The following THEMIS2 variants were observed in gnomAD, a reference collection of about 807,000 sequenced individuals.
THEMIS2 encodes the protein thymocyte selection associated family member 2.
THEMIS2 carries 29 observed loss-of-function variants against 46.8 expected under a neutral mutation model. The ratio of observed to expected loss-of-function variants is 0.62; its 90% confidence interval spans 0.46 to 0.84. The LOEUF (loss-of-function observed/expected upper bound fraction) is 0.84. Ranked by LOEUF, THEMIS2 falls within the 40% of genes least tolerant of loss-of-function variation. THEMIS2 has a pLI of 0.00. For missense variants in THEMIS2, 698 were observed against 834.7 expected, an observed-to-expected ratio of 0.84 and a Z score of 2.02; for synonymous variants, 335 against 349.1, an observed-to-expected ratio of 0.96 and a Z score of 0.45.
chr1:27,874,774 T>C (rs1290755837), intron 1 of THEMIS2, among the ~76,000 whole-genome samples: 1 of 152,010 alleles, frequency 6.6e-6, no homozygotes, highest in Non-Finnish European at 1.5e-5. Context: ...AGTGAGACTC[T>C]GTCTCGAAAA....
intron 4 of THEMIS2, chr1:27,883,263 A>T: frequency 1.7e-6 from 1 of 577,866 alleles, no homozygotes; most frequent in East Asian, 2.9e-5. Flanking sequence ...TGGAGACCCT[A>T]AGACTTGCCC....
At chr1:27,880,134 C>T in intron 3 of THEMIS2, 80 bp downstream of exon 3, 2 of 1,424,598 alleles carry the variant, frequency 1.4e-6, no homozygotes, top group Non-Finnish European at 9.4e-7. Context: ...TGATGGAAGA[C>T]ACCCCCACCC....
At chr1:27,879,055 A>C (rs1159701505) in intron 2 of THEMIS2, among the ~76,000 whole-genome samples, 1 of 152,082 alleles carries the variant, frequency 6.6e-6, no homozygotes, top group Non-Finnish European at 1.5e-5. Context: ...CTTGCTTCCC[A>C]AAAGCGGTAT....
chr1:27,882,218 C>A lies in THEMIS2; in HGVS notation c.894C>A (p.Pro298=), dbSNP rs1467331623. 6.2e-7 allele frequency: 1 copy of A among 1,609,090 alleles called. No individual in the cohort carries two copies. Among genetic ancestry groups the A allele is most frequent in the Admixed American group, 1.7e-5 (1 of 59,636 alleles). The change falls in exon 4 of 6, where the codon CCC becomes CCA. Residue 298 remains proline (P), a synonymous_variant. Coordinates refer to ENST00000373921, the MANE Select transcript of THEMIS2 (RefSeq NM_001105556.3). The surrounding 1 kb of genome is among the most constrained non-coding windows in gnomAD (Gnocchi z 7.6). ...RLCVYGLASP[P]WRVLASSKGR... ...GCGTCTATGGCCTAGCCTCACCACCCTGGCGGGTCCTGGCCTCAAGCAAGG... is the reference window on the plus strand; with the variant it reads ...GCGTCTATGGCCTAGCCTCACCACCATGGCGGGTCCTGGCCTCAAGCAAGG...
At chr1:27,873,487 T>A (rs1464723224) in intron 1 of THEMIS2, among the ~76,000 whole-genome samples, 1 of 151,950 alleles carries the variant, frequency 6.6e-6, no homozygotes, top group Non-Finnish European at 1.5e-5. Flanking sequence ...GAGAGCGAAC[T>A]GAGGCTTGAA....
Position 27,886,675 on chromosome 1 carries a change from A to C in THEMIS2, c.*753A>C, listed in dbSNP as rs1234468241. ...ATAAAAATGACACCTGAGCTTCTCT[A>C]TGAATGAGAACGGTATCATTTATTA... On this transcript the variant is annotated 3_prime_UTR_variant, in exon 6 of 6. Coordinates refer to ENST00000373921, the MANE Select transcript of THEMIS2 (RefSeq NM_001105556.3). 6.6e-6 allele frequency: 1 copy of C among 152,238 alleles called. No homozygotes were observed. Among genetic ancestry groups the C allele is most frequent in the East Asian group, 1.9e-4 (1 of 5,204 alleles). 9.4% of individuals were successfully genotyped at this position (152,238 alleles called of 1,614,324 possible).
intron 1 of THEMIS2, among the ~76,000 whole-genome samples, chr1:27,875,864 C>A (rs888245691): frequency 1.3e-5 from 2 of 151,976 alleles, no homozygotes; most frequent in Non-Finnish European, 2.9e-5. Flanking sequence ...CCATGCCTGG[C>A]TAATTTTTTT....
At chr1:27,878,156 C>T (rs1270687665) in intron 2 of THEMIS2, among the ~76,000 whole-genome samples, 4 of 149,120 alleles carry the variant, frequency 2.7e-5, no homozygotes, top group Non-Finnish European at 5.9e-5. Context: ...GGAGGGGGCA[C>T]CTGGTACAAA....
intron 4 of THEMIS2, 41 bp from the exon 5 acceptor site, chr1:27,885,254 A>G (rs2089749045): frequency 3.1e-6 from 5 of 1,606,732 alleles, no homozygotes; most frequent in African/African-American, 1.3e-5. Flanking sequence ...CTGCTTCCCC[A>G]TTTCTTGAGA....
At chr1:27,875,934 T>C (rs981344523) in intron 1 of THEMIS2, among the ~76,000 whole-genome samples, 6 of 151,972 alleles carry the variant, frequency 3.9e-5, no homozygotes, top group East Asian at 3.9e-4. Flanking sequence ...GATCTCCTGA[T>C]CTCGTGATCC....
intron 3 of THEMIS2, 40 bp from the exon 4 acceptor site, chr1:27,881,931 G>A: frequency 6.5e-7 from 1 of 1,526,814 alleles, no homozygotes; most frequent in Non-Finnish European, 8.9e-7. Context: ...GGCCACTCCT[G>A]GGGTGGCATG....
At chr1:27,876,562 G>A in intron 1 of THEMIS2, 26 bp from the exon 2 acceptor site, 1 of 1,609,540 alleles carries the variant, frequency 6.2e-7, no homozygotes, top group Non-Finnish European at 8.5e-7. Flanking sequence ...TTGTCCAATG[G>A]GGAAATGGAG....
chr1:27,885,727 C>A, intron 5 of THEMIS2, 140 bp from the exon 6 acceptor site: 4 of 852,070 alleles, frequency 4.7e-6, no homozygotes, highest in Admixed American at 4.9e-5. Flanking sequence ...TGAGACAGAA[C>A]AAATCGTGGT....
In THEMIS2 at chr1:27,882,779, C is replaced by T; in HGVS notation, c.1455C>T (p.Phe485=). Reference sequence around the variant, plus strand: ...TGGAGGAGAAGATCACAGAGCCATTCTTGGTGGTGAGCCTAGACTCTGAGC... The same window carrying T: ...TGGAGGAGAAGATCACAGAGCCATTTTTGGTGGTGAGCCTAGACTCTGAGC... ...LRLEEKITEP[F]LVVSLDSEPG... is the part of the protein sequence containing the mutation. Residue 485 remains phenylalanine, a synonymous_variant, in exon 4 of 6, where the codon TTC becomes TTT. Transcript: ENST00000373921. This position sits in a 1 kb window ranked among gnomAD's most constrained non-coding sequence, Gnocchi z 7.6. 6.2e-7 allele frequency: 1 copy of T among 1,613,996 alleles called. No individual in the cohort carries two copies. Among genetic ancestry groups the T allele is most frequent in the Non-Finnish European group, 8.5e-7 (1 of 1,179,950 alleles).
Position 27,877,529 on chromosome 1 carries a change from G to A in THEMIS2, c.235+801G>A, listed in dbSNP as rs551310565. Among the ~76,000 whole-genome samples, 71 of 152,038 alleles carry A rather than the reference G, an allele frequency of 4.7e-4. No homozygotes were observed. In the South Asian group the frequency reaches 4.8e-3, roughly 10 times the overall value. The stretch of plus-strand genomic sequence containing the variant: ...TTTTTAGTAGAGACAAAGTTTCACC[G>A]TGTTAACCAGGATGATCTCGATCTC... On this transcript the variant is annotated intron_variant, in intron 2 of 5. Transcript: ENST00000373921.
chr1:27,879,865 C>G lies in THEMIS2; in HGVS notation c.457C>G (p.Gln153Glu). 6.2e-7 allele frequency: 1 copy of G among 1,613,068 alleles called. No individual in the cohort carries two copies. The highest frequency in any genetic ancestry group is 8.5e-7 in the Non-Finnish European group (1 of 1,179,220). ...CCGCTGTGTCCTGGGCATGGAGGGT[C>G]AGCAGGTCATCCTGCACCTGCCCCT... ...SARCVLGMEG[Q>E]QVILHLPLSQ... The change falls in exon 3 of 6, where the codon CAG becomes GAG. Residue 153 changes from glutamine (Q) to glutamate (E), a missense_variant. Physicochemically the swap from Gln to Glu is conservative, Grantham distance 29. Transcript: ENST00000373921.
intron 1 of THEMIS2, among the ~76,000 whole-genome samples, chr1:27,875,548 G>C (rs1017908705): frequency 6.6e-6 from 1 of 152,160 alleles, no homozygotes; most frequent in Non-Finnish European, 1.5e-5. Context: ...GTGGGGCTGG[G>C]TTCAGGTGGC....
intron 2 of THEMIS2, 54 bp downstream of exon 2, chr1:27,876,782 C>T (rs1338663037): frequency 1.9e-5 from 30 of 1,589,692 alleles, no homozygotes; most frequent in East Asian, 4.5e-5. Flanking sequence ...CTGGCACACC[C>T]GCAGGCTGCT....
chr1:27,880,201 A>G, intron 3 of THEMIS2, 147 bp downstream of exon 3: 3 of 961,664 alleles, frequency 3.1e-6, no homozygotes, highest in Non-Finnish European at 4.5e-6. Context: ...CACTGAAGTT[A>G]TTCTTTTTTT....
Sources: gnomAD v4.1 joint callset for allele counts (sites outside exome capture counted in the v4.1 genomes callset) on GRCh38, gnomAD v4.1.1 for gene constraint, Gnocchi (gnomAD v3.1) non-coding constraint, MANE v1.5 for transcripts, NCBI Gene and HGNC (gene_info 2026-07-23, HGNC 2026-07-21) for gene names.